STEAP1B: variants seen among roughly 807,000 people sequenced by gnomAD.
The protein encoded by STEAP1B is STEAP family member 1B.
Under a neutral mutation model 27.9 loss-of-function variants are expected in STEAP1B, and 13 were observed. The observed-to-expected ratio is 0.47, with a 90% CI of 0.30 to 0.74. The LOEUF (loss-of-function observed/expected upper bound fraction) is 0.74, where lower values mean the gene tolerates loss of function less well. STEAP1B is among the 30% of genes least tolerant of loss of function. The pLI is 0.06. For synonymous variants in STEAP1B, 86 were observed against 107.1 expected (o/e 0.80, Z 1.22); for missense variants, 250 against 298.7 (o/e 0.84, Z 1.20).
chr7:22,456,110 G>A (rs1259123723), intron 4 of STEAP1B, among the ~76,000 whole-genome samples: 1 of 151,550 alleles, frequency 6.6e-6, no homozygotes, highest in Non-Finnish European at 1.5e-5. Flanking sequence ...TTGCGCCACT[G>A]CCCTCCGGCC....
chr7:22,455,472 T>C (rs1785563160), intron 4 of STEAP1B, among the ~76,000 whole-genome samples: 1 of 152,216 alleles, frequency 6.6e-6, no homozygotes. Flanking sequence ...GCATTTTCCT[T>C]AATGAGTAAA....
chr7:22,446,618 T>G (rs912822475), intron 4 of STEAP1B, among the ~76,000 whole-genome samples: 1 of 152,256 alleles, frequency 6.6e-6, no homozygotes, highest in Non-Finnish European at 1.5e-5. Context: ...ACCACTCTGA[T>G]GGACACTTCC....
intron 4 of STEAP1B, among the ~76,000 whole-genome samples, chr7:22,476,560 T>A (rs1298566987): frequency 6.6e-6 from 1 of 152,140 alleles, no homozygotes; most frequent in African/African-American, 2.4e-5. Flanking sequence ...CCACATTTCA[T>A]GGGATGTTAG....
intron 4 of STEAP1B, among the ~76,000 whole-genome samples, chr7:22,439,085 T>A (rs149311271): frequency 0.018 from 2,707 of 152,240 alleles, 42 homozygotes; most frequent in Non-Finnish European, 0.025. Flanking sequence ...CCTGGTGATA[T>A]CACTAACCAC....
intron 4 of STEAP1B, among the ~76,000 whole-genome samples, chr7:22,426,752 A>G (rs1007269994): frequency 1.3e-5 from 2 of 152,226 alleles, no homozygotes; most frequent in Non-Finnish European, 2.9e-5. Flanking sequence ...TGAACACAGC[A>G]AGTAAGCCCT....
intron 4 of STEAP1B, among the ~76,000 whole-genome samples, chr7:22,456,651 A>T (rs1289655203): frequency 6.6e-6 from 1 of 152,114 alleles, no homozygotes; most frequent in African/African-American, 2.4e-5. Flanking sequence ...GAAAGATGTG[A>T]ATCTGAAAGA....
At chr7:22,438,482 T>C (rs1785282597) in intron 4 of STEAP1B, 1 of 1,547,314 alleles carries the variant, frequency 6.5e-7, no homozygotes, top group Non-Finnish European at 8.7e-7. Context: ...CTCACTTTCA[T>C]GCATGCTTAA....
chr7:22,438,317 C>T (rs1457848146), intron 4 of STEAP1B: 3 of 783,122 alleles, frequency 3.8e-6, no homozygotes, highest in Admixed American at 3.0e-5. Flanking sequence ...GTTTTTCGCA[C>T]TTGTCCCACA....
intron 4 of STEAP1B, among the ~76,000 whole-genome samples, chr7:22,443,627 TA>T (rs1296219144): frequency 6.6e-6 from 1 of 152,232 alleles, no homozygotes; most frequent in Non-Finnish European, 1.5e-5. Context: ...CCGCCACTGC[TA>T]TGCCCTTTGC....
At chr7:22,424,431 G>T (rs1281226159) in intron 4 of STEAP1B, among the ~76,000 whole-genome samples, 1 of 152,090 alleles carries the variant, frequency 6.6e-6, no homozygotes, top group Non-Finnish European at 1.5e-5. Context: ...AGAATAATCA[G>T]AAAATGTAAA....
At chr7:22,438,791 G>T in intron 4 of STEAP1B, 11 of 1,525,144 alleles carry the variant, frequency 7.2e-6, no homozygotes, top group Non-Finnish European at 8.8e-6. Context: ...TTTGGTGCCT[G>T]TGTAAAGTAT....
intron 4 of STEAP1B, among the ~76,000 whole-genome samples, chr7:22,431,643 G>C (rs1393468971): frequency 6.6e-6 from 1 of 152,212 alleles, no homozygotes; most frequent in African/African-American, 2.4e-5. Flanking sequence ...TAACTCTTCA[G>C]AATGCATCAC....
At position 22,486,893 on chromosome 7, in the gene STEAP1B, C is replaced by T. The variant is rs34573019; in HGVS notation, c.762+5672G>A. Reference sequence around the variant, plus strand: ...CCACACTCTCGGACTCCTGGCTCAGCCTTCTCAGCTCACTCAGTGCTTTCC... The same window carrying T: ...CCACACTCTCGGACTCCTGGCTCAGTCTTCTCAGCTCACTCAGTGCTTTCC... On this transcript the variant is annotated intron_variant, in intron 4 of 4. Coordinates refer to ENST00000678116, the MANE Select transcript of STEAP1B (RefSeq NM_001382447.1). Among the ~76,000 whole-genome samples, 1,311 of 152,242 alleles carry T rather than the reference C, an allele frequency of 8.6e-3. 11 individuals carry two copies. The highest frequency in any genetic ancestry group is 0.014 in the Non-Finnish European group (954 of 68,010).
chr7:22,492,778 C>T, intron 3 of STEAP1B, 49 bp from the exon 4 acceptor site: 1 of 1,552,384 alleles, frequency 6.4e-7, no homozygotes, highest in East Asian at 2.3e-5. Flanking sequence ...ACAGTTATTT[C>T]CTGAATGTGA....
At chr7:22,455,098 C>T (rs966716910) in intron 4 of STEAP1B, among the ~76,000 whole-genome samples, 2 of 151,990 alleles carry the variant, frequency 1.3e-5, no homozygotes, top group Non-Finnish European at 2.9e-5. Flanking sequence ...CTCTTCACTT[C>T]GTGATCCACC....
intron 1 of STEAP1B, among the ~76,000 whole-genome samples, chr7:22,495,727 C>A (rs190568644): frequency 6.6e-6 from 1 of 151,670 alleles, no homozygotes; most frequent in South Asian, 2.1e-4. Flanking sequence ...AGAAAACATC[C>A]CAAGTGTTTC....
intron 4 of STEAP1B, among the ~76,000 whole-genome samples, chr7:22,427,750 C>T (rs762761754): frequency 6.6e-6 from 1 of 152,120 alleles, no homozygotes; most frequent in Non-Finnish European, 1.5e-5. Flanking sequence ...AATAAATGTA[C>T]CTTTGAGAGG....
At chr7:22,449,307 A>G (rs902254920) in intron 4 of STEAP1B, among the ~76,000 whole-genome samples, 4 of 152,180 alleles carry the variant, frequency 2.6e-5, no homozygotes, top group Admixed American at 2.6e-4. Context: ...TACCCTTCCC[A>G]GCCTCTGGTA....
At chr7:22,498,553 A>G in intron 1 of STEAP1B, among the ~76,000 whole-genome samples, 1 of 152,242 alleles carries the variant, frequency 6.6e-6, no homozygotes, top group Non-Finnish European at 1.5e-5. Flanking sequence ...CAGTAACTAT[A>G]TTGTGAACAA....
Sources: gnomAD v4.1 joint callset for allele counts (sites outside exome capture counted in the v4.1 genomes callset) on GRCh38, gnomAD v4.1.1 for gene constraint, MANE v1.5 for transcripts, NCBI Gene and HGNC (gene_info 2026-07-23, HGNC 2026-07-21) for gene names.